The following SUPT3H variants were observed in gnomAD, a reference collection of about 807,000 sequenced individuals.
SUPT3H encodes transcription initiation protein SPT3 homolog.
Under a neutral mutation model 44.3 loss-of-function variants are expected in SUPT3H, and 44 were observed. The observed-to-expected ratio is 0.99, with a 90% CI of 0.78 to 1.28. The LOEUF is 1.28. Ranked by LOEUF, SUPT3H falls within the 50% of genes most tolerant of loss-of-function variation. The pLI is 0.00. For synonymous variants in SUPT3H, 124 were observed against 125.6 expected, an observed-to-expected ratio of 0.99 and a Z score of 0.09; for missense variants, 380 against 387.1, an observed-to-expected ratio of 0.98 and a Z score of 0.15.
chr6:44,934,837 A>G (rs185387727), intron 9 of SUPT3H, among the ~76,000 whole-genome samples: 222 of 152,318 alleles, frequency 1.5e-3, no homozygotes, highest in African/African-American at 5.1e-3. Context: ...AGTTTACAGG[A>G]TTTTGTTATG....
intron 2 of SUPT3H, among the ~76,000 whole-genome samples, chr6:45,239,033 A>C (rs1331926488): frequency 6.6e-6 from 1 of 152,200 alleles, no homozygotes; most frequent in Non-Finnish European, 1.5e-5. Flanking sequence ...TCTGGATCGA[A>C]AGGTAAAGTT....
chr6:45,130,712 C>CATTTTTT (rs1358503809), intron 2 of SUPT3H, among the ~76,000 whole-genome samples: 2 of 88,602 alleles, frequency 2.3e-5, no homozygotes, highest in African/African-American at 5.1e-5. Context: ...AAAAAAACCA[C>CATTTTTT]TTTTTTTTTT....
At chr6:45,263,338 G>A (rs555827236) in intron 2 of SUPT3H, among the ~76,000 whole-genome samples, 25 of 152,220 alleles carry the variant, frequency 1.6e-4, no homozygotes, top group Non-Finnish European at 3.2e-4. Context: ...GCAGAAATAC[G>A]GATGCAGCTG....
chr6:45,009,493 G>A (rs900934177), intron 5 of SUPT3H, among the ~76,000 whole-genome samples: 4 of 152,142 alleles, frequency 2.6e-5, no homozygotes, highest in African/African-American at 4.8e-5. Flanking sequence ...TTTGTGTACT[G>A]TGTTGTTGTA....
At chr6:45,342,134 A>G (rs1019719759) in intron 2 of SUPT3H, among the ~76,000 whole-genome samples, 4 of 152,184 alleles carry the variant, frequency 2.6e-5, no homozygotes, top group African/African-American at 9.6e-5. Context: ...CTTAGGACAG[A>G]ATGGTTGATG....
intron 10 of SUPT3H, among the ~76,000 whole-genome samples, chr6:44,898,036 A>G (rs533149323): frequency 6.6e-6 from 1 of 152,368 alleles, no homozygotes; most frequent in East Asian, 1.9e-4. Flanking sequence ...TTATTATTAC[A>G]TAACATACTT....
In SUPT3H at chr6:44,916,706, A is replaced by AC. The variant is rs370638727; in HGVS notation, c.912+15946dup. 5.9e-5 allele frequency among the ~76,000 whole-genome samples: 9 copies of AC among 152,314 alleles called. No homozygotes were observed. In the East Asian group the frequency reaches 1.7e-3, roughly 29 times the overall value. Reference sequence around the variant, plus strand: ...ATTCTCTGAAGGGTACTATTGGCAAACTAGCATTGTAATCTACATTTAAAT... The same window carrying AC: ...ATTCTCTGAAGGGTACTATTGGCAAACCTAGCATTGTAATCTACATTTAAAT... On this transcript the variant is annotated intron_variant, in intron 10 of 10. Transcript: ENST00000371459.
At chr6:45,146,018 T>C (rs1328451353) in intron 2 of SUPT3H, among the ~76,000 whole-genome samples, 1 of 151,934 alleles carries the variant, frequency 6.6e-6, no homozygotes, top group Non-Finnish European at 1.5e-5. Flanking sequence ...CAAAAAATAA[T>C]AGATGTTGGA....
At chr6:45,047,238 G>T (rs1789547668) in intron 3 of SUPT3H, among the ~76,000 whole-genome samples, 1 of 151,968 alleles carries the variant, frequency 6.6e-6, no homozygotes, top group Admixed American at 6.6e-5. Flanking sequence ...ATACAAAATG[G>T]TCAAGATACT....
At chr6:45,323,030 T>A (rs559007872) in intron 2 of SUPT3H, 14 of 958,322 alleles carry the variant, frequency 1.5e-5, no homozygotes, top group South Asian at 8.6e-5. Context: ...CAGACAGACA[T>A]ACGATGATAT....
intron 3 of SUPT3H, among the ~76,000 whole-genome samples, chr6:45,057,313 C>T (rs189483510): frequency 2.0e-5 from 3 of 152,052 alleles, no homozygotes; most frequent in Admixed American, 6.5e-5. Flanking sequence ...TTATATCAGT[C>T]TTTTATCTCA....
At chr6:44,999,375 C>T (rs570612915) in intron 6 of SUPT3H, among the ~76,000 whole-genome samples, 3 of 151,956 alleles carry the variant, frequency 2.0e-5, no homozygotes, top group Non-Finnish European at 4.4e-5. Flanking sequence ...GGACTACAGG[C>T]GTACACCACC....
intron 2 of SUPT3H, among the ~76,000 whole-genome samples, chr6:45,118,659 C>A (rs1332415892): frequency 6.6e-6 from 1 of 152,108 alleles, no homozygotes; most frequent in Non-Finnish European, 1.5e-5. Flanking sequence ...TCCATTCAGC[C>A]AATGCCTTCC....
chr6:45,277,621 T>G (rs1288499658), intron 2 of SUPT3H, among the ~76,000 whole-genome samples: 2 of 152,178 alleles, frequency 1.3e-5, no homozygotes, highest in African/African-American at 4.8e-5. Flanking sequence ...AGCATTACCC[T>G]ATAGGGACTC....
At chr6:44,908,339 G>C (rs1313369609) in intron 10 of SUPT3H, among the ~76,000 whole-genome samples, 1 of 151,754 alleles carries the variant, frequency 6.6e-6, no homozygotes, top group Non-Finnish European at 1.5e-5. Context: ...TTTTAGTAGA[G>C]ACGGGGTTTT....
intron 10 of SUPT3H, among the ~76,000 whole-genome samples, chr6:44,857,574 T>C (rs1366365988): frequency 6.6e-6 from 1 of 152,348 alleles, no homozygotes; most frequent in East Asian, 1.9e-4. Context: ...CTACAATGAT[T>C]TTACTATTGC....
intron 2 of SUPT3H, among the ~76,000 whole-genome samples, chr6:45,342,131 C>A (rs1008095108): frequency 6.6e-6 from 1 of 151,786 alleles, no homozygotes; most frequent in Non-Finnish European, 1.5e-5. Flanking sequence ...CCACTTAGGA[C>A]AGAATGGTTG....
At chr6:44,954,712 A>C (rs1774855997) in intron 7 of SUPT3H, 105 bp from the exon 8 acceptor site, 1 of 676,306 alleles carries the variant, frequency 1.5e-6, no homozygotes, top group Non-Finnish European at 2.6e-6. Context: ...AATTGTACAC[A>C]AAAAATAATG....
At chr6:45,116,559 T>C (rs1471488161) in intron 2 of SUPT3H, among the ~76,000 whole-genome samples, 1 of 152,192 alleles carries the variant, frequency 6.6e-6, no homozygotes, top group African/African-American at 2.4e-5. Flanking sequence ...TTCTGGGTTT[T>C]TAAAAATTAA....
Sources: gnomAD v4.1 joint callset for allele counts (sites outside exome capture counted in the v4.1 genomes callset) on GRCh38, gnomAD v4.1.1 for gene constraint, MANE v1.5 for transcripts, NCBI Gene and HGNC (gene_info 2026-07-23, HGNC 2026-07-21) for gene names.